The following ESRRG variants were observed in gnomAD, a reference collection of about 807,000 sequenced individuals.
ESRRG encodes estrogen related receptor gamma.
In ESRRG, 13 loss-of-function variants were observed where a neutral mutation model predicts 44.0. The observed-to-expected ratio is 0.30, with a 90% CI of 0.19 to 0.47. The LOEUF (loss-of-function observed/expected upper bound fraction) is 0.47. Ranked by LOEUF, ESRRG falls within the 20% of genes least tolerant of loss-of-function variation. ESRRG has a pLI of 1.00. For missense variants in ESRRG, 395 were observed against 580.6 expected, an observed-to-expected ratio of 0.68 and a Z score of 3.29; for synonymous variants, 215 against 214.6, an observed-to-expected ratio of 1.00 and a Z score of -0.02.
At position 216,892,295 on chromosome 1, in the gene ESRRG, T is replaced by C. The variant is rs539528073; in HGVS notation, c.-14+47287A>G. On this transcript the variant is annotated intron_variant, in intron 2 of 7. Transcript: ENST00000359162. Reference sequence around the variant, plus strand: ...TAGGGGCAAATATATCAGGCATGCCTACCAAGAAGGAGACCCTCTCCCTAG... The same window carrying C: ...TAGGGGCAAATATATCAGGCATGCCCACCAAGAAGGAGACCCTCTCCCTAG... Among the ~76,000 whole-genome samples the C allele has an allele frequency of 1.1e-4, 16 of 152,322 alleles. 1 individual carries two copies. The South Asian group carries it at 3.3e-3, about 32-fold the overall frequency.
intron 1 of ESRRG, among the ~76,000 whole-genome samples, chr1:216,686,485 A>T (rs984836331): frequency 6.6e-6 from 1 of 151,424 alleles, no homozygotes; most frequent in African/African-American, 2.4e-5. Context: ...CAGCAGAAAC[A>T]TAGCATCCAG....
rs142117020 is a variant in ESRRG at position 216,822,944 on chromosome 1, T to C, written c.-14+116638A>G. The stretch of plus-strand genomic sequence containing the variant: ...TTCCAAAAACAATGCTCCCATCTAA[T>C]AGTTTTGCTTTGTTTTCTTTTTTAA... On this transcript the variant is annotated intron_variant, in intron 2 of 7. Transcript: ENST00000359162. 2.7e-4 allele frequency among the ~76,000 whole-genome samples: 41 copies of C among 152,320 alleles called. No individual in the cohort carries two copies. In the East Asian group the frequency reaches 7.1e-3, roughly 26 times the overall value.
intron 1 of ESRRG, among the ~76,000 whole-genome samples, chr1:217,107,430 T>C (rs1369789600): frequency 6.6e-6 from 1 of 152,232 alleles, no homozygotes; most frequent in Non-Finnish European, 1.5e-5. Context: ...GATAGAGTCC[T>C]GTGTGATTTC....
At chr1:216,948,069 C>T (rs2066346680) in intron 1 of ESRRG, among the ~76,000 whole-genome samples, 2 of 151,984 alleles carry the variant, frequency 1.3e-5, no homozygotes. Flanking sequence ...TCAGGAATAC[C>T]CATTAGAAAC....
chr1:216,703,062 A>G (rs994956203), intron 1 of ESRRG, among the ~76,000 whole-genome samples: 2 of 152,350 alleles, frequency 1.3e-5, no homozygotes, highest in South Asian at 2.1e-4. Flanking sequence ...ATTCTTGTAT[A>G]GATGCAGTTA....
At chr1:216,634,309 C>T (rs2064847202) in intron 3 of ESRRG, among the ~76,000 whole-genome samples, 1 of 152,052 alleles carries the variant, frequency 6.6e-6, no homozygotes, top group African/African-American at 2.4e-5. Flanking sequence ...AATTAGATAA[C>T]AGTATTCAAA....
At chr1:216,578,705 A>C (rs1323620754) in intron 3 of ESRRG, among the ~76,000 whole-genome samples, 1 of 152,126 alleles carries the variant, frequency 6.6e-6, no homozygotes, top group African/African-American at 2.4e-5. Context: ...ATTCATGAGG[A>C]AAGTTAGCAA....
intron 3 of ESRRG, among the ~76,000 whole-genome samples, chr1:216,587,259 T>A (rs1020489808): frequency 1.3e-5 from 2 of 152,212 alleles, no homozygotes; most frequent in African/African-American, 4.8e-5. Flanking sequence ...CTCTAGTGCA[T>A]TTAGTAATGG....
intron 2 of ESRRG, chr1:216,864,580 AC>A (rs1437442425): frequency 6.7e-6 from 1 of 149,244 alleles, no homozygotes; most frequent in Admixed American, 6.7e-5. Flanking sequence ...GAAAAAAAAA[AC>A]CAAAACACTT....
chr1:216,813,480 C>A (rs1213529841), intron 2 of ESRRG, among the ~76,000 whole-genome samples: 2 of 152,176 alleles, frequency 1.3e-5, no homozygotes, highest in Non-Finnish European at 2.9e-5. Flanking sequence ...GATATCGAAT[C>A]TGTATAATAC....
chr1:217,133,421 C>T (rs937413225), intron 1 of ESRRG, among the ~76,000 whole-genome samples: 8 of 152,260 alleles, frequency 5.3e-5, no homozygotes, highest in African/African-American at 9.6e-5. Context: ...TGGGAGCCCA[C>T]GCTCGGGCCT....
intron 1 of ESRRG, among the ~76,000 whole-genome samples, chr1:216,964,984 T>A (rs2069971982): frequency 6.6e-6 from 1 of 152,208 alleles, no homozygotes; most frequent in Non-Finnish European, 1.5e-5. Flanking sequence ...CACAGACATT[T>A]GCACTAATCA....
chr1:216,615,932 C>T (rs776849123), intron 3 of ESRRG, among the ~76,000 whole-genome samples: 3 of 152,014 alleles, frequency 2.0e-5, no homozygotes, highest in Non-Finnish European at 2.9e-5. Context: ...GAGATCTGCC[C>T]GCCTCGGCCT....
intron 2 of ESRRG, among the ~76,000 whole-genome samples, chr1:216,671,561 T>C (rs964769644): frequency 2.0e-5 from 3 of 152,184 alleles, no homozygotes; most frequent in African/African-American, 7.2e-5. Context: ...ATGGGTCAAG[T>C]ACTTCGATAT....
intron 2 of ESRRG, among the ~76,000 whole-genome samples, chr1:216,878,372 A>G (rs2096390151): frequency 6.6e-6 from 1 of 152,194 alleles, no homozygotes; most frequent in Non-Finnish European, 1.5e-5. Context: ...TCTCTTGAGT[A>G]TTAACTTTAA....
chr1:216,834,954 G>C (rs1224608792), intron 2 of ESRRG, among the ~76,000 whole-genome samples: 1 of 152,184 alleles, frequency 6.6e-6, no homozygotes, highest in African/African-American at 2.4e-5. Context: ...ACAGTAGGGA[G>C]GCAGACTCCA....
chr1:216,535,893 C>T (rs1317581549), intron 5 of ESRRG, among the ~76,000 whole-genome samples: 2 of 152,098 alleles, frequency 1.3e-5, no homozygotes, highest in Non-Finnish European at 2.9e-5. Flanking sequence ...TGTACATGCA[C>T]TTTTGCACTA....
intron 2 of ESRRG, among the ~76,000 whole-genome samples, chr1:216,846,462 A>G (rs2095751352): frequency 1.3e-5 from 2 of 152,064 alleles, no homozygotes. Flanking sequence ...TGTTTCAACT[A>G]CTCATTTCTG....
intron 1 of ESRRG, among the ~76,000 whole-genome samples, chr1:217,129,653 A>G (rs1440153374): frequency 6.6e-6 from 1 of 152,244 alleles, no homozygotes; most frequent in Non-Finnish European, 1.5e-5. Context: ...ATATGGATGA[A>G]CCTTCATAAC....
Sources: allele counts gnomAD v4.1 joint callset (sites outside exome capture counted in the v4.1 genomes callset), GRCh38; gene constraint gnomAD v4.1.1; transcripts MANE v1.5; gene names NCBI Gene and HGNC (gene_info 2026-07-23, HGNC 2026-07-21).